The following SLC45A4 variants were observed in gnomAD, a reference collection of about 807,000 sequenced individuals.
SLC45A4 encodes the protein solute carrier family 45 member 4.
SLC45A4 carries 32 observed loss-of-function variants against 63.7 expected under a neutral mutation model. The ratio of observed to expected loss-of-function variants is 0.50; its 90% CI spans 0.38 to 0.67. The LOEUF (loss-of-function observed/expected upper bound fraction) is 0.67, where lower values mean the gene tolerates loss of function less well. Among genes scored for constraint, SLC45A4 ranks in the 30% least tolerant of loss-of-function variants. SLC45A4 has a pLI of 0.00. For missense variants in SLC45A4, 1,027 were observed against 1,157.7 expected (o/e 0.89, Z 1.64); for synonymous variants, 535 against 510.0 (o/e 1.05, Z -0.66).
intron 5 of SLC45A4, among the ~76,000 whole-genome samples, chr8:141,217,494 G>A (rs951010462): frequency 2.0e-5 from 3 of 152,326 alleles, no homozygotes; most frequent in East Asian, 1.9e-4. Context: ...CGCAGCCTCT[G>A]CCGTGGCCCT....
chr8:141,212,141 C>CCCCCCCCGGGGGGGG, intron 8 of SLC45A4, 56 bp downstream of exon 8: 1 of 1,109,168 alleles, frequency 9.0e-7, no homozygotes, highest in Non-Finnish European at 1.1e-6. Flanking sequence ...CCCCGCCGCC[C>CCCCCCCCGGGGGGGG]GCCCGCCCGC....
rs1320461954 is a variant in SLC45A4, at chr8:141,254,060, G to A, written c.170C>T (p.Ala57Val). The A allele has an allele frequency of 3.3e-6, 5 of 1,536,112 alleles. No homozygotes were observed. Among genetic ancestry groups the A allele is most frequent in the Admixed American group, 2.0e-5 (1 of 50,994 alleles). The part of the protein sequence containing the change: ...IPMRLWVMHG[A>V]VMFGREFCYA... ...ACAGAACTCCCTGCCAAACATCACC[G>A]CCCCGTGCATCACCCACAGGCGCAT... Residue 57 changes from alanine to valine, a missense_variant, in exon 2 of 9, where the codon GCG (alanine) becomes GTG (valine). Physicochemically the swap from Ala to Val is moderately conservative, Grantham distance 64. Transcript: ENST00000517878. This position sits in a 1 kb window ranked among gnomAD's most constrained non-coding sequence, Gnocchi z 4.5.
At chr8:141,306,053 T>C (rs903826611) in intron 1 of SLC45A4, among the ~76,000 whole-genome samples, 1 of 151,174 alleles carries the variant, frequency 6.6e-6, no homozygotes, top group African/African-American at 2.4e-5. Context: ...TAGAGGGTGT[T>C]ACAAGCTGCA....
At chr8:141,283,573 C>T (rs1389285620) in intron 1 of SLC45A4, among the ~76,000 whole-genome samples, 1 of 152,238 alleles carries the variant, frequency 6.6e-6, no homozygotes, top group Non-Finnish European at 1.5e-5. Context: ...TAGGCTAGTC[C>T]CAGGGGGCAG....
Position 141,254,732 on chromosome 8 carries a change from C to T in SLC45A4, c.-400-103G>A, listed in dbSNP as rs1394397591. Reference sequence around the variant, plus strand: ...CCGAGCAAGCCGTGTGCCCCGAGGGCCCGACCCAAGATCACACAGCTCTCT... The same window carrying T: ...CCGAGCAAGCCGTGTGCCCCGAGGGTCCGACCCAAGATCACACAGCTCTCT... On this transcript the variant is annotated intron_variant, in intron 1 of 8. Transcript: ENST00000517878. This position sits in a 1 kb window ranked among gnomAD's most constrained non-coding sequence, Gnocchi z 4.5. 5.8e-6 allele frequency: 4 copies of T among 684,434 alleles called. No individual in the cohort carries two copies. The highest frequency in any genetic ancestry group is 8.0e-6 in the Non-Finnish European group (3 of 373,902). 42.4% of individuals were successfully genotyped at this position (684,434 alleles called of 1,614,324 possible).
At chr8:141,240,845 C>T (rs965741045) in intron 2 of SLC45A4, among the ~76,000 whole-genome samples, 3 of 152,360 alleles carry the variant, frequency 2.0e-5, no homozygotes, top group East Asian at 1.9e-4. Context: ...GCAGTGGAGA[C>T]GCATGTGGAT....
chr8:141,250,235 G>A (rs754337283), intron 2 of SLC45A4, among the ~76,000 whole-genome samples: 16 of 152,316 alleles, frequency 1.1e-4, no homozygotes, highest in Non-Finnish European at 2.1e-4. Flanking sequence ...TCACACTAAC[G>A]TGAAAGCCAT....
Position 141,228,399 on chromosome 8 carries a change from C to T in SLC45A4, c.242-6634G>A, listed in dbSNP as rs373279233. The T allele has an allele frequency of 2.7e-5, 39 of 1,464,706 alleles. 1 individual carries two copies. The highest frequency in any genetic ancestry group is 5.1e-4 in the Middle Eastern group (2 of 3,928). 90.7% of individuals were successfully genotyped at this position (1,464,706 alleles called of 1,614,324 possible). On this transcript the variant is annotated intron_variant, in intron 2 of 8. Transcript: ENST00000517878. ...GGCCCCTGGCCAGACCCAAGCAGGA[C>T]GCTGGCGCTCCAGAAAGCCAGCGGG...
At chr8:141,219,153 GAGA>G in intron 4 of SLC45A4, 124 bp from the exon 5 acceptor site, 1 of 1,115,910 alleles carries the variant, frequency 9.0e-7, no homozygotes, top group South Asian at 1.6e-5. Flanking sequence ...TCAGGGGCTG[GAGA>G]AGGAGAAAGC....
At chr8:141,216,081 C>T (rs1826133807) in intron 6 of SLC45A4, 111 bp from the exon 7 acceptor site, 20 of 930,790 alleles carry the variant, frequency 2.1e-5, no homozygotes, top group Non-Finnish European at 3.3e-5. Flanking sequence ...TCCACTCCTT[C>T]CAGCTGAACC....
rs1828671538 is a variant in SLC45A4 at position 141,254,449 on chromosome 8, A to G, written c.-220T>C. The G allele has an allele frequency of 3.1e-6, 2 of 651,534 alleles. No individual in the cohort carries two copies. Among genetic ancestry groups the G allele is most frequent in the Admixed American group, 4.7e-5 (2 of 42,532 alleles). The allele number at this position is 651,534 out of a possible 1,614,324, so 40.4% of individuals were successfully genotyped here. On this transcript the variant is annotated 5_prime_UTR_variant, in exon 2 of 9. Transcript: ENST00000517878. This position sits in a 1 kb window ranked among gnomAD's most constrained non-coding sequence, Gnocchi z 4.5. ...CAGAACGATTTTTGGTTGGATTTTA[A>G]ACATATGGCTTGCTGGTTTACTGTG...
At chr8:141,284,225 G>A (rs1830060284) in intron 1 of SLC45A4, among the ~76,000 whole-genome samples, 1 of 152,222 alleles carries the variant, frequency 6.6e-6, no homozygotes, top group Admixed American at 6.5e-5. Flanking sequence ...CTGAGGTCTG[G>A]GATGTAAGAA....
chr8:141,209,874 G>A lies in SLC45A4; in HGVS notation c.*1698C>T, dbSNP rs117797329. 5.4e-3 allele frequency: 820 copies of A among 152,402 alleles called. 7 individuals carry two copies. Among genetic ancestry groups the A allele is most frequent in the Non-Finnish European group, 7.5e-3 (508 of 68,080 alleles). The allele number at this position is 152,402 out of a possible 1,614,324, so 9.4% of individuals were successfully genotyped here. A position where few individuals can be genotyped will look rare whatever the true frequency, so the allele number is the denominator to read the frequency against. ...CCTCCTAAAAATCAAGTCGCAGCCA[G>A]GCCCTGAGACTTCTGCACTCCCAGC... On this transcript the variant is annotated 3_prime_UTR_variant, in exon 9 of 9. Coordinates refer to ENST00000517878, the MANE Select transcript of SLC45A4 (RefSeq NM_001286646.2).
intron 1 of SLC45A4, among the ~76,000 whole-genome samples, chr8:141,264,230 G>A (rs1007454274): frequency 2.0e-5 from 3 of 152,172 alleles, no homozygotes; most frequent in South Asian, 2.1e-4. Flanking sequence ...CGAGTGTGGT[G>A]TGAGTCAGGA....
rs556240132 is a variant in SLC45A4 at position 141,284,396 on chromosome 8, G to GT, written c.-401+23699_-401+23700insA. 4.5e-3 allele frequency among the ~76,000 whole-genome samples: 678 copies of GT among 152,358 alleles called. 3 individuals carry two copies. Among genetic ancestry groups the GT allele is most frequent in the Middle Eastern group, 0.014 (4 of 294 alleles). Reference sequence around the variant, plus strand: ...GTCTCTCCTCGCACCAGCTCGGGAGGGAGGGGCCACCCCCAGCACTCCACG... The same window carrying GT: ...GTCTCTCCTCGCACCAGCTCGGGAGGTGAGGGGCCACCCCCAGCACTCCACG... On this transcript the variant is annotated intron_variant, in intron 1 of 8. Coordinates refer to ENST00000517878, the MANE Select transcript of SLC45A4 (RefSeq NM_001286646.2).
intron 1 of SLC45A4, among the ~76,000 whole-genome samples, chr8:141,288,447 G>A (rs368768312): frequency 6.6e-6 from 1 of 152,244 alleles, no homozygotes; most frequent in Admixed American, 6.5e-5. Context: ...CACGGGACAA[G>A]GCTCCAGGCA....
At chr8:141,246,946 C>T (rs1249636341) in intron 2 of SLC45A4, among the ~76,000 whole-genome samples, 1 of 151,912 alleles carries the variant, frequency 6.6e-6, no homozygotes, top group East Asian at 1.9e-4. Context: ...CAGTGAGACA[C>T]CATCTAATAA....
intron 1 of SLC45A4, among the ~76,000 whole-genome samples, chr8:141,269,742 T>G (rs188627899): frequency 2.6e-5 from 4 of 152,234 alleles, no homozygotes; most frequent in Admixed American, 2.6e-4. Context: ...GATCTATATG[T>G]GTCTGTATGT....
At chr8:141,243,777 A>C (rs1828027410) in intron 2 of SLC45A4, among the ~76,000 whole-genome samples, 1 of 152,112 alleles carries the variant, frequency 6.6e-6, no homozygotes, top group Admixed American at 6.5e-5. Context: ...CCTACTCAAC[A>C]TGAAGATGAG....
Sources: gnomAD v4.1 joint callset for allele counts (sites outside exome capture counted in the v4.1 genomes callset) on GRCh38, gnomAD v4.1.1 for gene constraint, Gnocchi (gnomAD v3.1) non-coding constraint, MANE v1.5 for transcripts, NCBI Gene and HGNC (gene_info 2026-07-23, HGNC 2026-07-21) for gene names.